The following CHRNA4 variants were observed in gnomAD, a reference collection of about 807,000 sequenced individuals.
CHRNA4 encodes cholinergic receptor nicotinic alpha 4 subunit.
Under a neutral mutation model 48.9 loss-of-function variants are expected in CHRNA4, and 28 were observed. That is an observed-to-expected ratio of 0.57 (90% CI 0.42 to 0.79). The LOEUF is 0.79. Ranked by LOEUF, CHRNA4 falls within the 30% of genes least tolerant of loss-of-function variation. CHRNA4 has a pLI of 0.00. For missense variants in CHRNA4, 859 were observed against 898.4 expected, an observed-to-expected ratio of 0.96 and a Z score of 0.56; for synonymous variants, 425 against 402.3, an observed-to-expected ratio of 1.06 and a Z score of -0.68.
rs2068594857 is a variant in CHRNA4, at chr20:63,351,137, G to GC, written c.384-111dup. ...CGTCCACACCCACACCCACATCCACGCCCACATCCACGTCCACGCCCACAT... is the reference window on the plus strand; with the variant it reads ...CGTCCACACCCACACCCACATCCACGCCCCACATCCACGTCCACGCCCACAT... On this transcript the variant is annotated intron_variant, in intron 4 of 5. Coordinates refer to ENST00000370263, the MANE Select transcript of CHRNA4 (RefSeq NM_000744.7). 7.5e-6 allele frequency: 7 copies of GC among 927,742 alleles called. No individual in the cohort carries two copies. The East Asian group carries it at 1.2e-4, about 16-fold the overall frequency. 57.5% of individuals were successfully genotyped at this position (927,742 alleles called of 1,614,324 possible). A position where few individuals can be genotyped will look rare whatever the true frequency, so the allele number is the denominator to read the frequency against.
At chr20:63,346,958 C>T (rs1393986593) in intron 5 of CHRNA4, 95 bp from the exon 6 acceptor site, 4 of 1,568,074 alleles carry the variant, frequency 2.6e-6, no homozygotes, top group Non-Finnish European at 3.5e-6. Flanking sequence ...AGCTTCTCCA[C>T]CTCCCACCTT....
At position 63,361,116 on chromosome 20, in the gene CHRNA4, A is replaced by AGCAGCGGCG. The variant is rs1568821269; in HGVS notation, c.49_50insCGCCGCTGC (p.Leu16_Leu17insProProLeu). ...GCGCAGGAGGCCGGTCCCCAGAAGCAGCAGCAGCGGCGGCAGCAGCCGCGG... is the reference window on the plus strand; with the variant it reads ...GCGCAGGAGGCCGGTCCCCAGAAGCAGCAGCGGCGGCAGCAGCGGCGGCAGCAGCCGCGG... On this transcript the variant is annotated inframe_insertion, in exon 1 of 6. Coordinates refer to ENST00000370263, the MANE Select transcript of CHRNA4 (RefSeq NM_000744.7). The AGCAGCGGCG allele has an allele frequency of 4.7e-6, 7 of 1,478,422 alleles. No individual in the cohort carries two copies. Among genetic ancestry groups the AGCAGCGGCG allele is most frequent in the Non-Finnish European group, 6.2e-6 (7 of 1,120,602 alleles). 91.6% of individuals were successfully genotyped at this position (1,478,422 alleles called of 1,614,324 possible). A position where few individuals can be genotyped will look rare whatever the true frequency, so the allele number is the denominator to read the frequency against.
In CHRNA4 at chr20:63,359,884, T is replaced by TGCGC. The variant is rs11472697; in HGVS notation, c.77-186_77-185insGCGC. 0.54 allele frequency: 302,320 copies of TGCGC among 561,394 alleles called. 76,823 individuals carry two copies. The highest frequency in any genetic ancestry group is 0.75 in the East Asian group (23,848 of 31,642). 34.8% of individuals were successfully genotyped at this position (561,394 alleles called of 1,614,324 possible). On this transcript the variant is annotated intron_variant, in intron 1 of 5. Transcript: ENST00000370263. ...GGCGTGCGCTCTGTGTGTGTGTGTG[T>TGCGC]GCCGGGCGTGTGCTGTGTGTGTGTG...
chr20:63,355,648 T>C, intron 4 of CHRNA4: 3 of 1,212,752 alleles, frequency 2.5e-6, no homozygotes, highest in Non-Finnish European at 3.3e-6. Flanking sequence ...CCCCCAGGCC[T>C]CAGGACTGGT....
At chr20:63,356,992 C>CGACCACATCGCTATG (rs6147409) in intron 2 of CHRNA4, among the ~76,000 whole-genome samples, 1 of 143,750 alleles carries the variant, frequency 7.0e-6, no homozygotes, top group Non-Finnish European at 1.5e-5. Context: ...ACGTCCCCAC[C>CGACCACATCGCTATG]GACCACATCT....
intron 4 of CHRNA4, among the ~76,000 whole-genome samples, chr20:63,353,908 C>G (rs1601485427): frequency 1.1e-4 from 1 of 8,906 alleles, no homozygotes; most frequent in Non-Finnish European, 2.2e-4. Flanking sequence ...TCCTGGGGGG[C>G]TGTGGTCCTG....
At chr20:63,359,391 G>T in intron 2 of CHRNA4, 157 bp downstream of exon 2, 1 of 920,630 alleles carries the variant, frequency 1.1e-6, no homozygotes, top group Non-Finnish European at 1.7e-6. Flanking sequence ...CTCAGGCGGG[G>T]CAGAGCTGGT....
intron 1 of CHRNA4, 155 bp from the exon 2 acceptor site, chr20:63,359,854 T>C (rs56331410): frequency 1.2e-4 from 66 of 528,782 alleles, no homozygotes; most frequent in African/African-American, 4.2e-4. Flanking sequence ...CCTGTGTGTG[T>C]GCCGGGCGTG....
chr20:63,350,175 C>T lies in CHRNA4; in HGVS notation c.1236G>A (p.Leu412=). 1 of 1,590,588 alleles carries T rather than the reference C, an allele frequency of 6.3e-7. No individual in the cohort carries two copies. Among genetic ancestry groups the T allele is most frequent in the Non-Finnish European group, 8.6e-7 (1 of 1,167,044 alleles). ...AAGGCCCAGGCTCAGCCGGCACATC[C>T]AGGGGGACACAGAAGGACGGTGAGG... ...HPPSPSFCVP[L]DVPAEPGPSC... Residue 412 remains leucine (L), a synonymous_variant, in exon 5 of 6, where the codon CTG becomes CTA. Coordinates refer to ENST00000370263, the MANE Select transcript of CHRNA4 (RefSeq NM_000744.7).
chr20:63,359,774 C>A (rs1374841407), intron 1 of CHRNA4, 75 bp from the exon 2 acceptor site: 1 of 1,557,414 alleles, frequency 6.4e-7, no homozygotes, highest in South Asian at 1.1e-5. Context: ...GCTCTCCAGG[C>A]TGCCCCAGCC....
At position 63,361,273 on chromosome 20, in the gene CHRNA4, G is replaced by T; in HGVS notation, c.-108C>A. Reference sequence around the variant, plus strand: ...CCTCCCGCGCCTCGCGGGCCGCTTCGGCCGCCGGGCCCGGTTCGTCTTCTC... The same window carrying T: ...CCTCCCGCGCCTCGCGGGCCGCTTCTGCCGCCGGGCCCGGTTCGTCTTCTC... On this transcript the variant is annotated 5_prime_UTR_variant, in exon 1 of 6. Coordinates refer to ENST00000370263, the MANE Select transcript of CHRNA4 (RefSeq NM_000744.7). 1 of 1,377,634 alleles carries T rather than the reference G, an allele frequency of 7.3e-7. No individual in the cohort carries two copies. Among genetic ancestry groups the T allele is most frequent in the Non-Finnish European group, 9.4e-7 (1 of 1,066,976 alleles). The allele number at this position is 1,377,634 out of a possible 1,614,324, so 85.3% of individuals were successfully genotyped here. A position where few individuals can be genotyped will look rare whatever the true frequency, so the allele number is the denominator to read the frequency against.
rs45521136 is a variant in CHRNA4 at position 63,359,535 on chromosome 20, C to T, written c.228+13G>A. 2.8e-5 allele frequency: 45 copies of T among 1,612,582 alleles called. No individual in the cohort carries two copies. Among genetic ancestry groups the T allele is most frequent in the Admixed American group, 1.5e-4 (9 of 60,028 alleles). On this transcript the variant is annotated intron_variant, in intron 2 of 5. Transcript: ENST00000370263. ...CCTCAGTCACAGTGCACGATGGCCA[C>T]GCCCTCACCTACCACGTCAATGAGC...
At position 63,361,346 on chromosome 20, in the gene CHRNA4, G is replaced by GA. The variant is rs2068819237; in HGVS notation, c.-182_-181insT. 1 of 1,048,680 alleles carries GA rather than the reference G, an allele frequency of 9.5e-7. No homozygotes were observed. The highest frequency in any genetic ancestry group is 3.9e-5 in the South Asian group (1 of 25,318). The allele number at this position is 1,048,680 out of a possible 1,614,324, so 65.0% of individuals were successfully genotyped here. ...GGCGCGGCAGGGAGCGCCGGGCTGT[G>GA]GGCTCCGTGGCGCGGCCCCGCCCGG... is the stretch of plus-strand genomic sequence containing the variant. On this transcript the variant is annotated 5_prime_UTR_variant, in exon 1 of 6. Coordinates refer to ENST00000370263, the MANE Select transcript of CHRNA4 (RefSeq NM_000744.7).
rs900591766 is a variant in CHRNA4 at position 63,357,665 on chromosome 20, G to T, written c.229-1250C>A. ...GTGAATCCCCAGCCCCTGGTGGGAC[G>T]GGCAGAGTGGGCCAGACACAAGGCA... On this transcript the variant is annotated intron_variant, in intron 2 of 5. Coordinates refer to ENST00000370263, the MANE Select transcript of CHRNA4 (RefSeq NM_000744.7). Among the ~76,000 whole-genome samples the T allele has an allele frequency of 2.6e-4, 3 of 11,364 alleles. No individual in the cohort carries two copies. The Non-Finnish European group carries it at 3.0e-3, about 11-fold the overall frequency. 7.5% of individuals were successfully genotyped at this position (11,364 alleles called of 152,430 possible).
At position 63,359,892 on chromosome 20, in the gene CHRNA4, G is replaced by A. The variant is rs1008467271; in HGVS notation, c.77-193C>T. The A allele has an allele frequency of 7.3e-5, 38 of 519,264 alleles. 1 individual carries two copies. The highest frequency in any genetic ancestry group is 5.3e-4 in the African/African-American group (23 of 43,762). The allele number at this position is 519,264 out of a possible 1,614,324, so 32.2% of individuals were successfully genotyped here. ...CTCTGTGTGTGTGTGTGTGCCGGGC[G>A]TGTGCTGTGTGTGTGTGTGTGTGTG... On this transcript the variant is annotated intron_variant, in intron 1 of 5. Coordinates refer to ENST00000370263, the MANE Select transcript of CHRNA4 (RefSeq NM_000744.7).
At chr20:63,360,671 G>A (rs902337084) in intron 1 of CHRNA4, among the ~76,000 whole-genome samples, 2 of 152,182 alleles carry the variant, frequency 1.3e-5, no homozygotes, top group African/African-American at 4.8e-5. Context: ...CAGAAAAGGT[G>A]GGTGGCGGCC....
At chr20:63,353,293 G>C (rs1205098496) in intron 4 of CHRNA4, among the ~76,000 whole-genome samples, 2 of 152,194 alleles carry the variant, frequency 1.3e-5, no homozygotes, top group Non-Finnish European at 2.9e-5. Flanking sequence ...GGCCACTCCA[G>C]GAACCCTGGG....
chr20:63,347,970 G>T (rs1354554211), intron 5 of CHRNA4, among the ~76,000 whole-genome samples: 1 of 152,238 alleles, frequency 6.6e-6, no homozygotes, highest in Non-Finnish European at 1.5e-5. Flanking sequence ...TCCTGCCCAG[G>T]CCTCGGCTCT....
chr20:63,354,611 G>A, intron 4 of CHRNA4: 2 of 236,508 alleles, frequency 8.5e-6, no homozygotes, highest in Non-Finnish European at 1.2e-5. Flanking sequence ...TACTCGGGGG[G>A]CTGTGGTCCT....
Sources: allele counts gnomAD v4.1 joint callset (sites outside exome capture counted in the v4.1 genomes callset), GRCh38; gene constraint gnomAD v4.1.1; transcripts MANE v1.5; gene names NCBI Gene and HGNC (gene_info 2026-07-23, HGNC 2026-07-21).